SORD: variants seen among roughly 807,000 people sequenced by gnomAD.
The protein encoded by SORD is (R,R)-butanediol dehydrogenase.
A neutral mutation model predicts 35.6 loss-of-function variants in SORD; 18 were observed. The observed-to-expected ratio is 0.51, with a 90% CI of 0.35 to 0.75. The LOEUF (loss-of-function observed/expected upper bound fraction) is 0.75. SORD is among the 30% of genes least tolerant of loss of function. The pLI, the probability that SORD is intolerant of heterozygous loss-of-function variation, is 0.01. For missense variants in SORD, 250 were observed against 390.2 expected, an observed-to-expected ratio of 0.64 and a Z score of 3.03; for synonymous variants, 106 against 152.9, an observed-to-expected ratio of 0.69 and a Z score of 2.26.
At chr15:45,029,205 G>A (rs1415554350) in intron 1 of SORD, among the ~76,000 whole-genome samples, 2 of 152,230 alleles carry the variant, frequency 1.3e-5, no homozygotes, top group Non-Finnish European at 2.9e-5. Context: ...ACCCAAACTG[G>A]ACATACCATT....
chr15:45,065,954 CAAAA>C (rs892243309), intron 5 of SORD, among the ~76,000 whole-genome samples: 2 of 151,718 alleles, frequency 1.3e-5, no homozygotes, highest in African/African-American at 4.8e-5. Context: ...AACAAACAAA[CAAAA>C]AGAATGAATC....
intron 3 of SORD, among the ~76,000 whole-genome samples, chr15:45,055,127 G>A (rs1359134038): frequency 1.3e-5 from 2 of 151,948 alleles, no homozygotes; most frequent in East Asian, 1.9e-4. Flanking sequence ...TTGGCGATGC[G>A]GGCTCTTTTT....
chr15:45,055,135 T>C (rs1472677143), intron 3 of SORD, among the ~76,000 whole-genome samples: 1 of 152,172 alleles, frequency 6.6e-6, no homozygotes, highest in Admixed American at 6.5e-5. Context: ...GCGGGCTCTT[T>C]TTTGGTTCCA....
chr15:45,073,249 T>C, intron 8 of SORD, 116 bp from the exon 9 acceptor site: 1 of 532,296 alleles, frequency 1.9e-6, no homozygotes, highest in East Asian at 3.3e-5. Flanking sequence ...AAAATTGGCT[T>C]TGCAGAACCA....
chr15:45,062,574 C>T (rs1451667876), intron 4 of SORD, among the ~76,000 whole-genome samples: 2 of 151,642 alleles, frequency 1.3e-5, no homozygotes, highest in African/African-American at 2.4e-5. Context: ...CACTGGGAGC[C>T]TTGAGAGGAG....
chr15:45,042,137 A>G (rs1892975658), intron 2 of SORD, among the ~76,000 whole-genome samples: 1 of 152,112 alleles, frequency 6.6e-6, no homozygotes, highest in South Asian at 2.1e-4. Context: ...TCTGAGTCAG[A>G]GATGATGGTA....
intron 1 of SORD, among the ~76,000 whole-genome samples, chr15:45,039,732 T>C (rs1261004540): frequency 1.1e-4 from 16 of 152,314 alleles, no homozygotes; most frequent in East Asian, 1.9e-4. Flanking sequence ...GTCTTTGTGC[T>C]GATGTAAAGG....
At chr15:45,063,933 A>G (rs1470625355) in intron 4 of SORD, among the ~76,000 whole-genome samples, 1 of 148,022 alleles carries the variant, frequency 6.8e-6, no homozygotes, top group Admixed American at 6.8e-5. Context: ...GGGAAGGGAT[A>G]AGGGGGTGGT....
chr15:45,069,518 G>A (rs142296249), intron 7 of SORD, among the ~76,000 whole-genome samples: 53 of 152,078 alleles, frequency 3.5e-4, no homozygotes, highest in African/African-American at 1.1e-3. Context: ...TCTCTAGTGC[G>A]GAGACTGTAC....
intron 7 of SORD, chr15:45,070,467 TG>T: frequency 6.5e-6 from 1 of 153,914 alleles, no homozygotes; most frequent in Non-Finnish European, 1.4e-5. Context: ...CCAGCGGCCT[TG>T]GGAGCTGAGG....
chr15:45,029,306 T>C (rs111918493), intron 1 of SORD, among the ~76,000 whole-genome samples: 31,167 of 150,750 alleles, frequency 0.21, no homozygotes, highest in African/African-American at 0.44. Context: ...TGAAAGACCA[T>C]GAGGCACAAA....
chr15:45,030,977 G>A (rs977870186), intron 1 of SORD, among the ~76,000 whole-genome samples: 1 of 152,230 alleles, frequency 6.6e-6, no homozygotes, highest in Non-Finnish European at 1.5e-5. Context: ...AATTAAATGT[G>A]AGGCTTTCAC....
At chr15:45,023,995 C>A (rs1205628472) in intron 1 of SORD, among the ~76,000 whole-genome samples, 2 of 152,310 alleles carry the variant, frequency 1.3e-5, no homozygotes, top group South Asian at 2.1e-4. Context: ...CTCCCTAAGA[C>A]CCTGTCTGGT....
At chr15:45,044,861 C>A (rs1237748233) in intron 3 of SORD, among the ~76,000 whole-genome samples, 1 of 152,008 alleles carries the variant, frequency 6.6e-6, no homozygotes, top group Non-Finnish European at 1.5e-5. Flanking sequence ...CCATGCCTGG[C>A]TAATTTTTGT....
At chr15:45,034,939 G>A (rs954241041) in intron 1 of SORD, among the ~76,000 whole-genome samples, 6 of 152,344 alleles carry the variant, frequency 3.9e-5, no homozygotes, top group African/African-American at 1.4e-4. Flanking sequence ...CAGCCGGCCG[G>A]CCCTGCGGTT....
At chr15:45,058,189 G>A (rs1893247591) in intron 3 of SORD, among the ~76,000 whole-genome samples, 1 of 152,168 alleles carries the variant, frequency 6.6e-6, no homozygotes, top group Non-Finnish European at 1.5e-5. Context: ...CACCGTGATG[G>A]GCTGTCAGGA....
intron 3 of SORD, among the ~76,000 whole-genome samples, chr15:45,054,382 T>G (rs1362059126): frequency 1.3e-5 from 2 of 152,192 alleles, no homozygotes; most frequent in African/African-American, 2.4e-5. Context: ...GATTTGCATT[T>G]CTCTGATGGC....
At chr15:45,023,499 G>T in intron 1 of SORD, 150 bp downstream of exon 1, 2 of 624,302 alleles carry the variant, frequency 3.2e-6, no homozygotes, top group Non-Finnish European at 2.5e-6. Flanking sequence ...TCCCCTCGGG[G>T]TGTGGGGGCA....
intron 1 of SORD, among the ~76,000 whole-genome samples, chr15:45,037,765 C>G (rs909177879): frequency 6.6e-6 from 1 of 151,236 alleles, no homozygotes; most frequent in Admixed American, 6.6e-5. Flanking sequence ...AATACATGGA[C>G]ACAGGGAGGG....
Sources: gnomAD v4.1 joint callset for allele counts (sites outside exome capture counted in the v4.1 genomes callset) on GRCh38, gnomAD v4.1.1 for gene constraint, MANE v1.5 for transcripts, NCBI Gene and HGNC (gene_info 2026-07-23, HGNC 2026-07-21) for gene names.